ZNF584: variants seen among roughly 807,000 people sequenced by gnomAD.
ZNF584 encodes zinc finger protein 584.
In ZNF584, 12 loss-of-function variants were observed where a neutral mutation model predicts 14.7. That is an observed-to-expected ratio of 0.82 (90% CI 0.52 to 1.32). ZNF584 has a LOEUF of 1.32. Ranked by LOEUF, ZNF584 falls within the 40% of genes most tolerant of loss-of-function variation. The probability of loss-of-function intolerance (pLI) is 0.00; values close to 1 mark genes in which losing one functional copy is unlikely to be tolerated. For missense variants in ZNF584, 478 were observed against 518.8 expected, an observed-to-expected ratio of 0.92 and a Z score of 0.76; for synonymous variants, 204 against 190.9, an observed-to-expected ratio of 1.07 and a Z score of -0.57.
intron 2 of ZNF584, among the ~76,000 whole-genome samples, chr19:58,413,339 T>A (rs1429075132): frequency 6.6e-6 from 1 of 151,980 alleles, no homozygotes; most frequent in African/African-American, 2.4e-5. Flanking sequence ...TTTTTCTTTT[T>A]CTTTTTCTTT....
In ZNF584 at chr19:58,410,539, A is replaced by AATTTTTTTTTTTTTTTTTT; in HGVS notation, c.169+448_169+449insATTTTTTTTTTTTTTTTTT. ...GGGAAATATATATATATATATATAT[A>AATTTTTTTTTTTTTTTTTT]TATATATATATATATATATGTGTAT... On this transcript the variant is annotated intron_variant, in intron 2 of 3. Transcript: ENST00000306910. Among the ~76,000 whole-genome samples the AATTTTTTTTTTTTTTTTTT allele has an allele frequency of 7.2e-4, 28 of 38,684 alleles. 1 individual carries two copies. The highest frequency in any genetic ancestry group is 8.8e-4 in the African/African-American group (7 of 7,916). 25.4% of individuals were successfully genotyped at this position (38,684 alleles called of 152,430 possible).
upstream of ZNF584, among the ~76,000 whole-genome samples, chr19:58,407,914 T>G (rs545864733): frequency 4.3e-4 from 65 of 152,320 alleles, no homozygotes; most frequent in African/African-American, 7.7e-4. Flanking sequence ...GAGATCACCA[T>G]GGCCTGATAT....
In ZNF584 at chr19:58,410,561, G is replaced by GTA. The variant is rs1223527646; in HGVS notation, c.169+480_169+481dup. On this transcript the variant is annotated intron_variant, in intron 2 of 3. Transcript: ENST00000306910. ...TATATATATATATATATATATATGT[G>GTA]TATATATATATGTATATATATGTAT... Among the ~76,000 whole-genome samples, 11 of 20,450 alleles carry GTA rather than the reference G, an allele frequency of 5.4e-4. No homozygotes were observed. In the African/African-American group the frequency reaches 6.7e-3, roughly 13 times the overall value. 13.4% of individuals were successfully genotyped at this position (20,450 alleles called of 152,430 possible).
At chr19:58,402,111 G>C (rs1246057949) in intron 1 of ZNF584, among the ~76,000 whole-genome samples, 1 of 152,000 alleles carries the variant, frequency 6.6e-6, no homozygotes, top group Non-Finnish European at 1.5e-5. Flanking sequence ...AAATTCGAAC[G>C]TAGGTTGATA....
At chr19:58,407,760 T>A (rs1235855564), upstream of ZNF584, among the ~76,000 whole-genome samples, 3 of 152,224 alleles carry the variant, frequency 2.0e-5, no homozygotes, top group Admixed American at 1.3e-4. Flanking sequence ...CCACCTGCTC[T>A]AACATGAACG....
intron 2 of ZNF584, among the ~76,000 whole-genome samples, chr19:58,415,142 C>T (rs1167103516): frequency 6.6e-6 from 1 of 152,084 alleles, no homozygotes; most frequent in African/African-American, 2.4e-5. Context: ...ATCCGCCCAC[C>T]TTGGCCTCCC....
rs547940521 is a variant in ZNF584 at position 58,401,855 on chromosome 19, CG to C, written n.92+194del. Among the ~76,000 whole-genome samples, 341 of 119,692 alleles carry C rather than the reference CG, an allele frequency of 2.8e-3. 8 individuals are homozygous for C. Among genetic ancestry groups the C allele is most frequent in the African/African-American group, 0.011 (325 of 29,338 alleles). The allele number at this position is 119,692 out of a possible 152,430, so 78.5% of individuals were successfully genotyped here. A position where few individuals can be genotyped will look rare whatever the true frequency, so the allele number is the denominator to read the frequency against. Reference sequence around the variant, plus strand: ...ACGCAGATCCAAACACATAGTATAACGTGAGGATCCTATATAAAGTGAGACT... The same window carrying C: ...ACGCAGATCCAAACACATAGTATAACTGAGGATCCTATATAAAGTGAGACT... On this transcript the variant is annotated intron_variant and non_coding_transcript_variant, in intron 1 of 3. Coordinates refer to the ZNF584 transcript ENST00000594993.
intron 2 of ZNF584, among the ~76,000 whole-genome samples, chr19:58,412,000 T>A (rs1315006131): frequency 1.1e-3 from 143 of 128,308 alleles, no homozygotes; most frequent in Middle Eastern, 8.1e-3. Flanking sequence ...TTTTTTTTTT[T>A]AGACAGAGTC....
upstream of ZNF584, chr19:58,407,310 C>G (rs1039939631): frequency 2.6e-5 from 4 of 152,376 alleles, no homozygotes; most frequent in Admixed American, 2.6e-4. Flanking sequence ...TACTCCAAGA[C>G]AAACACAGAC....
rs752724327 is a variant in ZNF584 at position 58,417,421 on chromosome 19, A to G, written c.903A>G (p.Thr301=). ...VHIGERPYEC[T]ECGKFFKYNN... Reference sequence around the variant, plus strand: ...TTGGAGAAAGGCCCTATGAGTGTACAGAATGTGGGAAGTTCTTTAAATACA... The same window carrying G: ...TTGGAGAAAGGCCCTATGAGTGTACGGAATGTGGGAAGTTCTTTAAATACA... Residue 301 remains threonine (T), a synonymous_variant, in exon 4 of 4, where the codon ACA becomes ACG. Transcript: ENST00000306910. 1 of 1,603,396 alleles carries G rather than the reference A, an allele frequency of 6.2e-7. No homozygotes were observed.
Position 58,410,027 on chromosome 19 carries a change from T to C in ZNF584, c.105T>C (p.Asn35=). ...CCAGGGAGGAGTGGGGGCTCCTTAATGTGACCCAGAAGGGCCTATACCGGG... is the reference window on the plus strand; with the variant it reads ...CCAGGGAGGAGTGGGGGCTCCTTAACGTGACCCAGAAGGGCCTATACCGGG... ...YFSREEWGLL[N]VTQKGLYRDV... is the part of the protein sequence containing the mutation. The change falls in exon 2 of 4, where the codon AAT becomes AAC. Residue 35 remains asparagine (N), a synonymous_variant. Coordinates refer to ENST00000306910, the MANE Select transcript of ZNF584 (RefSeq NM_173548.3). 1 of 1,614,066 alleles carries C rather than the reference T, an allele frequency of 6.2e-7. No individual in the cohort carries two copies. The highest frequency in any genetic ancestry group is 2.2e-5 in the East Asian group (1 of 44,876).
rs747577986 is a variant in ZNF584 at position 58,415,552 on chromosome 19, T to G, written c.198T>G (p.Phe66Leu). The G allele has an allele frequency of 1.1e-5, 17 of 1,613,830 alleles. 1 individual carries two copies. In the South Asian group the frequency reaches 1.9e-4, roughly 18 times the overall value. Residue 66 changes from phenylalanine (F) to leucine (L), a missense_variant, in exon 3 of 4, where the codon TTT (phenylalanine) becomes TTG (leucine). This residue lies in a region of ZNF584 where 189 missense variants were observed against 177.9 expected (regional missense o/e 1.06). Coordinates refer to ENST00000306910, the MANE Select transcript of ZNF584 (RefSeq NM_173548.3). The part of the protein sequence containing the change: ...LGLAPSRSPV[F>L]TQLEDDEQSW... ...TTGCACCTTCGAGATCCCCTGTGTT[T>G]ACCCAGCTGGAGGATGATGAACAGT...
At chr19:58,402,958 G>T (rs920215712) in intron 1 of ZNF584, among the ~76,000 whole-genome samples, 2 of 151,420 alleles carry the variant, frequency 1.3e-5, no homozygotes, top group African/African-American at 2.4e-5. Context: ...ACTGCAAATT[G>T]AAACAATAAT....
At chr19:58,407,901 C>T (rs2052487911), upstream of ZNF584, among the ~76,000 whole-genome samples, 1 of 152,208 alleles carries the variant, frequency 6.6e-6, no homozygotes. Flanking sequence ...GGCCCCCATA[C>T]CTGAGATCAC....
At chr19:58,415,435 T>C (rs919062561) in intron 2 of ZNF584, 89 bp from the exon 3 acceptor site, 22 of 1,500,320 alleles carry the variant, frequency 1.5e-5, no homozygotes, top group Non-Finnish European at 2.0e-5. Flanking sequence ...TGGGTTTAAG[T>C]GATCTCCTAC....
At chr19:58,409,844 G>A (rs1221166855) in intron 1 of ZNF584, 97 bp from the exon 2 acceptor site, 3 of 1,412,654 alleles carry the variant, frequency 2.1e-6, no homozygotes, top group Admixed American at 1.7e-5. Flanking sequence ...AATGTCAGGG[G>A]GAGATGTGAT....
chr19:58,409,292 T>C, intron 1 of ZNF584, 127 bp downstream of exon 1: 1 of 1,134,408 alleles, frequency 8.8e-7, no homozygotes, highest in East Asian at 3.2e-5. Flanking sequence ...GATGCACGGC[T>C]GGGGCATGCC....
rs1198680732 is a variant in ZNF584 at position 58,410,555 on chromosome 19, A to ATG, written c.169+465_169+466insGT. The stretch of plus-strand genomic sequence containing the variant: ...TATATATATATATATATATATATAT[A>ATG]TATGTGTATATATATATGTATATAT... On this transcript the variant is annotated intron_variant, in intron 2 of 3. Coordinates refer to ENST00000306910, the MANE Select transcript of ZNF584 (RefSeq NM_173548.3). 2.3e-3 allele frequency among the ~76,000 whole-genome samples: 62 copies of ATG among 26,880 alleles called. 14 individuals are homozygous for ATG. Among genetic ancestry groups the ATG allele is most frequent in the Admixed American group, 0.017 (48 of 2,812 alleles). The allele number at this position is 26,880 out of a possible 152,430, so 17.6% of individuals were successfully genotyped here.
rs377701085 is a variant in ZNF584 at position 58,417,422 on chromosome 19, G to A, written c.904G>A (p.Glu302Lys). 5 of 1,603,580 alleles carry A rather than the reference G, an allele frequency of 3.1e-6. No homozygotes were observed. The highest frequency in any genetic ancestry group is 2.2e-5 in the East Asian group (1 of 44,642). Reference sequence around the variant, plus strand: ...TGGAGAAAGGCCCTATGAGTGTACAGAATGTGGGAAGTTCTTTAAATACAA... The same window carrying A: ...TGGAGAAAGGCCCTATGAGTGTACAAAATGTGGGAAGTTCTTTAAATACAA... The part of the protein sequence containing the change: ...HIGERPYECT[E>K]CGKFFKYNNS... The change falls in exon 4 of 4, where the codon GAA becomes AAA. Residue 302 changes from glutamate to lysine, a missense_variant. Physicochemically the swap from Glu to Lys is moderately conservative, Grantham distance 56 (BLOSUM62 1). Transcript: ENST00000306910.
Sources: gnomAD v4.1 joint callset for allele counts (sites outside exome capture counted in the v4.1 genomes callset) on GRCh38, gnomAD v4.1.1 for gene constraint, gnomAD v4.1.1 regional missense constraint, MANE v1.5 for transcripts, NCBI Gene and HGNC (gene_info 2026-07-23, HGNC 2026-07-21) for gene names.